The following CDC42BPB variants were observed in gnomAD, a reference collection of about 807,000 sequenced individuals.
The protein encoded by CDC42BPB is serine/threonine-protein kinase MRCK beta.
CDC42BPB carries 37 observed loss-of-function variants against 214.9 expected under a neutral mutation model. The ratio of observed to expected loss-of-function variants is 0.17; its 90% CI spans 0.13 to 0.23. The LOEUF (loss-of-function observed/expected upper bound fraction) is 0.23. Ranked by LOEUF, CDC42BPB falls within the 10% of genes least tolerant of loss-of-function variation. CDC42BPB has a pLI of 1.00. For missense variants in CDC42BPB, 1,694 were observed against 2,227.0 expected, an observed-to-expected ratio of 0.76 and a Z score of 4.82; for synonymous variants, 931 against 884.0, an observed-to-expected ratio of 1.05 and a Z score of -0.94.
chr14:102,946,212 ACAGGGTTT>A (rs1359133215), intron 28 of CDC42BPB, among the ~76,000 whole-genome samples: 3 of 151,632 alleles, frequency 2.0e-5, no homozygotes, highest in Non-Finnish European at 4.4e-5. Flanking sequence ...TTTAGCAGAG[ACAGGGTTT>A]CACCGTGTTA....
intron 5 of CDC42BPB, among the ~76,000 whole-genome samples, chr14:102,991,860 G>A (rs1213429827): frequency 6.6e-6 from 1 of 152,228 alleles, no homozygotes; most frequent in African/African-American, 2.4e-5. Context: ...CATATATATA[G>A]TATTTTAAAA....
At chr14:103,045,993 G>A (rs560416279) in intron 1 of CDC42BPB, among the ~76,000 whole-genome samples, 1 of 152,312 alleles carries the variant, frequency 6.6e-6, no homozygotes. Context: ...GCAAATGGAC[G>A]AGTGGTATCT....
intron 24 of CDC42BPB, 56 bp downstream of exon 24, chr14:102,952,442 A>C (rs979811761): frequency 9.9e-6 from 11 of 1,113,640 alleles, no homozygotes; most frequent in Non-Finnish European, 1.5e-5. Flanking sequence ...TGGTGCCCTT[A>C]GCTGCAGGGG....
At chr14:102,965,713 T>C (rs933874316) in intron 18 of CDC42BPB, among the ~76,000 whole-genome samples, 1 of 152,088 alleles carries the variant, frequency 6.6e-6, no homozygotes, top group African/African-American at 2.4e-5. Flanking sequence ...TCCCAGCACT[T>C]TGGGAGGCCG....
Position 103,004,235 on chromosome 14 carries a change from G to A in CDC42BPB, c.352-212C>T, listed in dbSNP as rs1458654215. ...CCCCGTGCAAGTGCCAAGGGCTGCT[G>A]AGGAGGCACTTGCACCCTGCTGTCC... On this transcript the variant is annotated intron_variant, in intron 3 of 36. Coordinates refer to ENST00000361246, the MANE Select transcript of CDC42BPB (RefSeq NM_006035.4). The surrounding 1 kb of genome is among the most constrained non-coding windows in gnomAD (Gnocchi z 5.3). The A allele has an allele frequency of 3.9e-6, 5 of 1,266,254 alleles. No homozygotes were observed. The highest frequency in any genetic ancestry group is 5.0e-6 in the Non-Finnish European group (5 of 991,096). 78.4% of individuals were successfully genotyped at this position (1,266,254 alleles called of 1,614,324 possible).
intron 9 of CDC42BPB, among the ~76,000 whole-genome samples, chr14:102,976,802 G>A (rs1196822884): frequency 6.6e-6 from 1 of 152,232 alleles, no homozygotes; most frequent in African/African-American, 2.4e-5. Context: ...TCTGTCAAGA[G>A]GAGAGCTCTA....
chr14:102,966,009 A>T (rs551323426), intron 18 of CDC42BPB, among the ~76,000 whole-genome samples: 1 of 152,288 alleles, frequency 6.6e-6, no homozygotes, highest in African/African-American at 2.4e-5. Flanking sequence ...AAATTAATAA[A>T]AGCAAGCTCT....
At chr14:103,014,681 G>A (rs190742865) in intron 1 of CDC42BPB, among the ~76,000 whole-genome samples, 119 of 152,250 alleles carry the variant, frequency 7.8e-4, no homozygotes, top group African/African-American at 2.8e-3. Context: ...GAAGGTTCCA[G>A]GGGCCTGGGA....
At chr14:103,020,312 C>T (rs1337879536) in intron 1 of CDC42BPB, among the ~76,000 whole-genome samples, 4 of 152,208 alleles carry the variant, frequency 2.6e-5, no homozygotes, top group Admixed American at 1.3e-4. Context: ...GTCTCGCCCC[C>T]GAGTCGTCAA....
intron 1 of CDC42BPB, among the ~76,000 whole-genome samples, chr14:103,056,609 T>C (rs1474567003): frequency 8.3e-6 from 1 of 121,010 alleles, no homozygotes; most frequent in Non-Finnish European, 1.6e-5. Context: ...CAGTGAGTGC[T>C]GCAGGAAATG....
intron 5 of CDC42BPB, among the ~76,000 whole-genome samples, chr14:102,991,390 A>G (rs1449993928): frequency 6.6e-6 from 1 of 152,260 alleles, no homozygotes; most frequent in Non-Finnish European, 1.5e-5. Flanking sequence ...TGCCAATGTC[A>G]CAACAAAGGA....
intron 36 of CDC42BPB, 99 bp from the exon 37 acceptor site, chr14:102,933,942 G>GC (rs1566834237): frequency 1.4e-6 from 2 of 1,439,262 alleles, no homozygotes; most frequent in African/African-American, 3.0e-5. Flanking sequence ...GACAACTGTC[G>GC]CAACTGCTCT....
At chr14:103,023,689 A>G (rs902483035) in intron 1 of CDC42BPB, among the ~76,000 whole-genome samples, 1 of 152,100 alleles carries the variant, frequency 6.6e-6, no homozygotes, top group Non-Finnish European at 1.5e-5. Context: ...CTGATTTTCG[A>G]GTAAAAACTT....
At chr14:103,010,113 C>T (rs1025889407) in intron 2 of CDC42BPB, among the ~76,000 whole-genome samples, 1 of 152,112 alleles carries the variant, frequency 6.6e-6, no homozygotes, top group African/African-American at 2.4e-5. Context: ...TAGTGACACC[C>T]CATTTCTACA....
chr14:102,944,204 T>C lies in CDC42BPB; in HGVS notation c.4095A>G (p.Arg1365=). ...YEIQRTKPFH[R]KFNEIVAPGS... is the part of the protein sequence containing the mutation. ...CGGGAGCCACAATCTCATTGAACTT[T>C]CTGTGGAATGGCTTCGTTCTCTGGA... is the stretch of plus-strand genomic sequence containing the variant. The change falls in exon 30 of 37, where the codon AGA becomes AGG. Residue 1365 remains arginine (R), a synonymous_variant. Coordinates refer to ENST00000361246, the MANE Select transcript of CDC42BPB (RefSeq NM_006035.4). This position sits in a 1 kb window ranked among gnomAD's most constrained non-coding sequence, Gnocchi z 6.6. 1 of 1,613,336 alleles carries C rather than the reference T, an allele frequency of 6.2e-7. No homozygotes were observed. Among genetic ancestry groups the C allele is most frequent in the Non-Finnish European group, 8.5e-7 (1 of 1,180,036 alleles).
chr14:102,933,577 G>A lies in CDC42BPB; in HGVS notation c.*135C>T. ...TAAAACTGATCAATATTATAATAAA[G>A]ATTTGTCTTCTTCATCTCCATATCT... On this transcript the variant is annotated 3_prime_UTR_variant, in exon 37 of 37. Coordinates refer to ENST00000361246, the MANE Select transcript of CDC42BPB (RefSeq NM_006035.4). 2 of 695,190 alleles carry A rather than the reference G, an allele frequency of 2.9e-6. No homozygotes were observed. Among genetic ancestry groups the A allele is most frequent in the Non-Finnish European group, 4.3e-6 (2 of 464,212 alleles). The allele number at this position is 695,190 out of a possible 1,614,324, so 43.1% of individuals were successfully genotyped here. A position where few individuals can be genotyped will look rare whatever the true frequency, so the allele number is the denominator to read the frequency against.
chr14:102,962,787 G>C (rs1183714006), intron 20 of CDC42BPB, among the ~76,000 whole-genome samples: 2 of 152,200 alleles, frequency 1.3e-5, no homozygotes, highest in South Asian at 4.1e-4. Flanking sequence ...AGGATGCAGA[G>C]GTTGCAGTGA....
chr14:102,935,280 A>C (rs546546707), intron 36 of CDC42BPB, among the ~76,000 whole-genome samples: 4 of 152,296 alleles, frequency 2.6e-5, no homozygotes, highest in African/African-American at 4.8e-5. Flanking sequence ...ATCAACACAC[A>C]CAAGTCAGTT....
rs757155298 is a variant in CDC42BPB, at chr14:102,959,697, T to C, written c.2835A>G (p.Pro945=). ...KFRADTGLKL[P]DFQDSIFEYF... is the part of the protein sequence containing the mutation. ...ACTCAAAAATGGAATCCTGAAAATC[T>C]GGAAGTTTGAGCCCTGCAAAAAGAA... The change falls in exon 21 of 37, where the codon CCA becomes CCG. Residue 945 remains proline, a synonymous_variant. Transcript: ENST00000361246. The C allele has an allele frequency of 6.2e-7, 1 of 1,612,252 alleles. No homozygotes were observed. Among genetic ancestry groups the C allele is most frequent in the East Asian group, 2.2e-5 (1 of 44,862 alleles).
Sources: allele counts gnomAD v4.1 joint callset (sites outside exome capture counted in the v4.1 genomes callset), GRCh38; gene constraint gnomAD v4.1.1; non-coding constraint Gnocchi (gnomAD v3.1); transcripts MANE v1.5; gene names NCBI Gene and HGNC (gene_info 2026-07-23, HGNC 2026-07-21).